Variants in EZR observed in about 807,000 individuals in gnomAD.
The protein encoded by EZR is cytovillin 2.
In EZR, 40 loss-of-function variants were observed where a neutral mutation model predicts 74.8. That is an observed-to-expected ratio of 0.53 (90% CI 0.42 to 0.70). The LOEUF is 0.70. Ranked by LOEUF, EZR falls within the 30% of genes least tolerant of loss-of-function variation. The pLI is 0.00. For synonymous variants in EZR, 341 were observed against 283.3 expected (o/e 1.20, Z -2.05); for missense variants, 678 against 755.8 (o/e 0.90, Z 1.21).
At chr6:158,806,049 T>C (rs753194770) in intron 2 of EZR, among the ~76,000 whole-genome samples, 16 of 152,154 alleles carry the variant, frequency 1.1e-4, no homozygotes, top group South Asian at 2.1e-4. Flanking sequence ...CCCCAAAACA[T>C]TGGGAATACA....
intron 7 of EZR, among the ~76,000 whole-genome samples, chr6:158,778,170 TC>T (rs1405410988): frequency 6.6e-6 from 1 of 152,142 alleles, no homozygotes; most frequent in East Asian, 1.9e-4. Context: ...GAAGCTAGGA[TC>T]CAAGCTCCGG....
Position 158,783,227 on chromosome 6 carries a change from G to T in EZR, c.698+293C>A, listed in dbSNP as rs568536022. Among the ~76,000 whole-genome samples the T allele has an allele frequency of 1.5e-4, 18 of 123,566 alleles. No individual in the cohort carries two copies. The South Asian group carries it at 4.8e-3, about 33-fold the overall frequency. The allele number at this position is 123,566 out of a possible 152,430, so 81.1% of individuals were successfully genotyped here. On this transcript the variant is annotated intron_variant, in intron 7 of 13. Transcript: ENST00000367075. ...TGTGCTGGTACCTGCAGGCAGCTGG[G>T]GTGGAATCTCAGAGGCAGCGGGGAG...
chr6:158,805,982 T>A (rs1269920244), intron 2 of EZR, among the ~76,000 whole-genome samples: 1 of 152,252 alleles, frequency 6.6e-6, no homozygotes, highest in African/African-American at 2.4e-5. Context: ...AAATCGCTAT[T>A]AAGACAATGA....
At chr6:158,806,933 CAT>C (rs1189148470) in intron 2 of EZR, among the ~76,000 whole-genome samples, 4 of 152,188 alleles carry the variant, frequency 2.6e-5, no homozygotes, top group South Asian at 2.1e-4. Flanking sequence ...ATATACACTA[CAT>C]ATATGTTTAC....
chr6:158,813,930 T>TG (rs1777498925), intron 2 of EZR, among the ~76,000 whole-genome samples: 1 of 152,190 alleles, frequency 6.6e-6, no homozygotes, highest in Admixed American at 6.5e-5. Flanking sequence ...CAGTGTTCCT[T>TG]GCTCACTCCC....
chr6:158,769,819 G>C lies in EZR; in HGVS notation c.1216C>G (p.Gln406Glu), dbSNP rs1337801442. ...TGGCTCTTTATCTGATCCACCGCCT[G>C]TCTCTCCAGCTCCTCCTTAGCCCGC... is the stretch of plus-strand genomic sequence containing the variant. ...ALRAKEELER[Q>E]AVDQIKSQEQ... is the part of the protein sequence containing the mutation. The change falls in exon 11 of 14, where the codon CAG becomes GAG. Residue 406 changes from glutamine to glutamate, a missense_variant. Coordinates refer to ENST00000367075, the MANE Select transcript of EZR (RefSeq NM_001111077.2). 1.9e-6 allele frequency: 3 copies of C among 1,614,024 alleles called. No homozygotes were observed. The highest frequency in any genetic ancestry group is 1.7e-5 in the Admixed American group (1 of 60,024).
intron 2 of EZR, among the ~76,000 whole-genome samples, chr6:158,789,880 A>G (rs1482387063): frequency 6.6e-6 from 1 of 152,216 alleles, no homozygotes; most frequent in African/African-American, 2.4e-5. Context: ...TCAGCCTCCC[A>G]TAGTGCTGAG....
intron 2 of EZR, among the ~76,000 whole-genome samples, chr6:158,807,925 A>T (rs1053533822): frequency 2.0e-5 from 3 of 152,202 alleles, no homozygotes; most frequent in African/African-American, 7.2e-5. Flanking sequence ...TTCAGGCTCA[A>T]ATACACATTA....
At chr6:158,778,311 T>A (rs965934775) in intron 7 of EZR, among the ~76,000 whole-genome samples, 1 of 152,208 alleles carries the variant, frequency 6.6e-6, no homozygotes, top group African/African-American at 2.4e-5. Context: ...CTTAGAAAAT[T>A]TAGGCCTCCG....
intron 8 of EZR, among the ~76,000 whole-genome samples, chr6:158,772,440 G>A (rs1437216474): frequency 1.3e-5 from 2 of 152,234 alleles, no homozygotes; most frequent in African/African-American, 2.4e-5. Context: ...TGGCGTCCCC[G>A]CCTTATCGGT....
At chr6:158,788,994 T>C (rs1791659397) in intron 3 of EZR, among the ~76,000 whole-genome samples, 2 of 152,152 alleles carry the variant, frequency 1.3e-5, no homozygotes, top group Non-Finnish European at 2.9e-5. Flanking sequence ...ACAAGCACAA[T>C]AACTCTCTTT....
intron 2 of EZR, among the ~76,000 whole-genome samples, chr6:158,810,522 C>A (rs557576247): frequency 1.2e-4 from 19 of 152,298 alleles, no homozygotes; most frequent in African/African-American, 4.1e-4. Flanking sequence ...ATTGTCCCTG[C>A]ACCAAGCACA....
At chr6:158,780,849 T>C (rs1309620456) in intron 7 of EZR, among the ~76,000 whole-genome samples, 4 of 152,208 alleles carry the variant, frequency 2.6e-5, no homozygotes, top group Admixed American at 2.6e-4. Context: ...CTTACCTGTT[T>C]TTGCCCTCTT....
rs1183721453 is a variant in EZR at position 158,780,642 on chromosome 6, CAGA to C, written c.698+2875_698+2877del. The stretch of plus-strand genomic sequence containing the variant: ...GTGCATTTCCAGAAACTCCTACCTA[CAGA>C]AGGACTTCTATGATGAAATCTGCCC... On this transcript the variant is annotated intron_variant, in intron 7 of 13. Coordinates refer to ENST00000367075, the MANE Select transcript of EZR (RefSeq NM_001111077.2). 5.3e-5 allele frequency among the ~76,000 whole-genome samples: 8 copies of C among 152,222 alleles called. No individual in the cohort carries two copies. In the East Asian group the frequency reaches 1.3e-3, roughly 26 times the overall value.
Position 158,794,785 on chromosome 6 carries a change from T to C in EZR, c.13-5414A>G, listed in dbSNP as rs112591311. 3.9e-5 allele frequency among the ~76,000 whole-genome samples: 6 copies of C among 152,268 alleles called. 1 individual carries two copies. The highest frequency in any genetic ancestry group is 1.4e-4 in the African/African-American group (6 of 41,546). ...TATTTCTCCCAGGCTTGCCAAAATATTAAAAACTTTTAAAAGTTATGCTTA... is the reference window on the plus strand; with the variant it reads ...TATTTCTCCCAGGCTTGCCAAAATACTAAAAACTTTTAAAAGTTATGCTTA... On this transcript the variant is annotated intron_variant, in intron 2 of 13. Transcript: ENST00000367075.
At chr6:158,779,238 C>G (rs537734014) in intron 7 of EZR, among the ~76,000 whole-genome samples, 1 of 152,284 alleles carries the variant, frequency 6.6e-6, no homozygotes, top group East Asian at 1.9e-4. Flanking sequence ...ACAATCCAAG[C>G]TGAAGGGCTT....
At chr6:158,810,115 A>C (rs1007822583) in intron 2 of EZR, among the ~76,000 whole-genome samples, 3 of 152,238 alleles carry the variant, frequency 2.0e-5, no homozygotes, top group Non-Finnish European at 2.9e-5. Flanking sequence ...TTTGATCCTC[A>C]GGTGATACTG....
intron 13 of EZR, 42 bp from the exon 14 acceptor site, chr6:158,767,120 T>C (rs1046565551): frequency 6.2e-7 from 1 of 1,610,600 alleles, no homozygotes; most frequent in Non-Finnish European, 8.5e-7. Flanking sequence ...TTCCTCCCCA[T>C]ATGGCCCGGC....
At chr6:158,818,521 A>G (rs1440841642) in intron 1 of EZR, among the ~76,000 whole-genome samples, 2 of 45,800 alleles carry the variant, frequency 4.4e-5, no homozygotes, top group Admixed American at 3.1e-4. Context: ...GAGAGAGGGC[A>G]GGGGGAACAC....
Sources: gnomAD v4.1 joint callset for allele counts (sites outside exome capture counted in the v4.1 genomes callset) on GRCh38, gnomAD v4.1.1 for gene constraint, MANE v1.5 for transcripts, NCBI Gene and HGNC (gene_info 2026-07-23, HGNC 2026-07-21) for gene names.